Variants in CD163 observed in about 807,000 individuals in gnomAD.
CD163 encodes the protein scavenger receptor cysteine-rich type 1 protein M130.
Under a neutral mutation model 129.2 loss-of-function variants are expected in CD163, and 64 were observed. The ratio of observed to expected loss-of-function variants is 0.50; its 90% CI spans 0.41 to 0.61. The LOEUF (loss-of-function observed/expected upper bound fraction) is 0.61. Among genes scored for constraint, CD163 ranks in the 20% least tolerant of loss-of-function variants. The pLI, the probability that CD163 is intolerant of heterozygous loss-of-function variation, is 0.00. For missense variants in CD163, 1,061 were observed against 1,377.9 expected, an observed-to-expected ratio of 0.77 and a Z score of 3.64; for synonymous variants, 446 against 478.5, an observed-to-expected ratio of 0.93 and a Z score of 0.89.
chr12:7,492,057 T>C (rs1176313440), intron 6 of CD163, among the ~76,000 whole-genome samples: 2 of 152,124 alleles, frequency 1.3e-5, no homozygotes, highest in Non-Finnish European at 2.9e-5. Flanking sequence ...CATATCATCA[T>C]TGACAGAGAC....
chr12:7,488,877 T>C (rs1490598867), intron 6 of CD163, among the ~76,000 whole-genome samples: 1 of 152,178 alleles, frequency 6.6e-6, no homozygotes, highest in Non-Finnish European at 1.5e-5. Context: ...CCACCTAAAA[T>C]TGACCCACTT....
intron 14 of CD163, among the ~76,000 whole-genome samples, chr12:7,482,134 T>C (rs2136696529): frequency 6.6e-6 from 1 of 152,336 alleles, no homozygotes; most frequent in East Asian, 1.9e-4. Flanking sequence ...TCCATGTCTG[T>C]ATCTTCAGAG....
At chr12:7,488,707 A>G (rs773785672) in intron 6 of CD163, among the ~76,000 whole-genome samples, 2 of 152,202 alleles carry the variant, frequency 1.3e-5, no homozygotes, top group Non-Finnish European at 2.9e-5. Context: ...CTCAACTGCT[A>G]ATAAATATAT....
intron 12 of CD163, 46 bp downstream of exon 12, chr12:7,483,321 T>C: frequency 6.4e-7 from 1 of 1,568,288 alleles, no homozygotes; most frequent in Non-Finnish European, 8.7e-7. Context: ...CCAACCCCTC[T>C]TTGCTGCCAG....
intron 11 of CD163, among the ~76,000 whole-genome samples, chr12:7,484,091 C>T (rs1164814158): frequency 2.6e-5 from 4 of 151,476 alleles, no homozygotes; most frequent in African/African-American, 7.3e-5. Flanking sequence ...CCGCCCACCT[C>T]GGACTCCCAA....
chr12:7,492,362 T>C (rs1432386692), intron 6 of CD163, among the ~76,000 whole-genome samples: 2 of 152,144 alleles, frequency 1.3e-5, no homozygotes, highest in African/African-American at 4.8e-5. Context: ...TTAGAACATG[T>C]TACCATAAGT....
intron 6 of CD163, among the ~76,000 whole-genome samples, chr12:7,489,465 T>C (rs978920845): frequency 2.6e-5 from 4 of 152,100 alleles, no homozygotes; most frequent in Non-Finnish European, 4.4e-5. Flanking sequence ...CCTTACATAA[T>C]TTCTTATAAT....
chr12:7,498,778 T>G (rs1949437363), intron 4 of CD163, 90 bp downstream of exon 4: 1 of 1,235,670 alleles, frequency 8.1e-7, no homozygotes, highest in Non-Finnish European at 1.1e-6. Context: ...CAGACTTCAT[T>G]ATGTTCTTAA....
chr12:7,503,103 T>A (rs1949516699), intron 1 of CD163, among the ~76,000 whole-genome samples: 1 of 152,204 alleles, frequency 6.6e-6, no homozygotes, highest in Non-Finnish European at 1.5e-5. Context: ...ACCTAAGTGA[T>A]GATATCCATA....
intron 4 of CD163, 71 bp downstream of exon 4, chr12:7,498,797 G>A: frequency 7.4e-7 from 1 of 1,355,182 alleles, no homozygotes. Flanking sequence ...AAGAGTTCAG[G>A]CTCTTAAGAT....
chr12:7,479,879 C>G lies in CD163; in HGVS notation c.*12G>C, dbSNP rs754809828. 2 of 1,611,544 alleles carry G rather than the reference C, an allele frequency of 1.2e-6. No homozygotes were observed. The highest frequency in any genetic ancestry group is 2.7e-5 in the African/African-American group (2 of 74,772). On this transcript the variant is annotated 3_prime_UTR_variant, in exon 16 of 17. Transcript: ENST00000432237. ...ACTCACCTCACTGGGTTATAAATTCCCATTTTCCTTTTCAGTGTGGCTCAG... is the reference window on the plus strand; with the variant it reads ...ACTCACCTCACTGGGTTATAAATTCGCATTTTCCTTTTCAGTGTGGCTCAG...
intron 6 of CD163, among the ~76,000 whole-genome samples, chr12:7,489,201 A>G (rs764953935): frequency 5.3e-5 from 8 of 152,272 alleles, no homozygotes; most frequent in South Asian, 2.1e-4. Flanking sequence ...TTGAACATGT[A>G]GAAAACCACC....
intron 10 of CD163, 47 bp downstream of exon 10, chr12:7,486,452 G>T: frequency 6.5e-7 from 1 of 1,539,700 alleles, no homozygotes; most frequent in Non-Finnish European, 8.9e-7. Flanking sequence ...CCCTTCCTCA[G>T]TCCTTTCTCT....
intron 6 of CD163, among the ~76,000 whole-genome samples, chr12:7,492,759 A>G (rs2136722205): frequency 6.6e-6 from 1 of 152,300 alleles, no homozygotes; most frequent in East Asian, 1.9e-4. Flanking sequence ...GTTAATCAAG[A>G]GTCCTATAAT....
chr12:7,498,647 T>C (rs1949435705), intron 4 of CD163, among the ~76,000 whole-genome samples: 1 of 152,162 alleles, frequency 6.6e-6, no homozygotes, highest in Admixed American at 6.5e-5. Context: ...TCTTATGACC[T>C]GGATCTCAGT....
intron 6 of CD163, among the ~76,000 whole-genome samples, chr12:7,491,525 C>T (rs879719508): frequency 6.6e-6 from 1 of 152,064 alleles, no homozygotes; most frequent in Non-Finnish European, 1.5e-5. Flanking sequence ...CAGTTTTCCC[C>T]TGGCATAAGT....
In CD163 at chr12:7,482,747, T is replaced by A; in HGVS notation, c.3143A>T (p.Gln1048Leu). ...GATCCCGACTGCAATAAAGGATGAC[T>A]GACGGGATGAGCGACCTAAGTAAAA... ...QKATTGRSSR[Q>L]SSFIAVGILG... Residue 1048 changes from glutamine (Q) to leucine (L), a missense_variant, in exon 14 of 17, where the codon CAG (glutamine) becomes CTG (leucine). Transcript: ENST00000432237. The A allele has an allele frequency of 6.2e-7, 1 of 1,614,068 alleles. No individual in the cohort carries two copies. Among genetic ancestry groups the A allele is most frequent in the Non-Finnish European group, 8.5e-7 (1 of 1,179,956 alleles).
chr12:7,495,632 C>G (rs905385342), intron 5 of CD163, among the ~76,000 whole-genome samples: 4 of 152,020 alleles, frequency 2.6e-5, no homozygotes, highest in African/African-American at 9.7e-5. Context: ...AGCAATTCAG[C>G]TTTAAAAGAG....
Position 7,487,328 on chromosome 12 carries a change from A to G in CD163, c.2050+31T>C. On this transcript the variant is annotated intron_variant, in intron 8 of 16. Transcript: ENST00000432237. This position sits in a 1 kb window ranked among gnomAD's most constrained non-coding sequence, Gnocchi z 5.1. ...ATCCCTATGTACACCTTCTCTTAAGACCCATCACTGGCTGCCCGTCATCCT... is the reference window on the plus strand; with the variant it reads ...ATCCCTATGTACACCTTCTCTTAAGGCCCATCACTGGCTGCCCGTCATCCT... 6.5e-7 allele frequency: 1 copy of G among 1,540,842 alleles called. No homozygotes were observed. The highest frequency in any genetic ancestry group is 1.3e-5 in the South Asian group (1 of 77,296).
Sources: gnomAD v4.1 joint callset for allele counts (sites outside exome capture counted in the v4.1 genomes callset) on GRCh38, gnomAD v4.1.1 for gene constraint, Gnocchi (gnomAD v3.1) non-coding constraint, MANE v1.5 for transcripts, NCBI Gene and HGNC (gene_info 2026-07-23, HGNC 2026-07-21) for gene names.